The following SEMA3C variants were observed in gnomAD, a reference collection of about 807,000 sequenced individuals.
SEMA3C encodes the protein semaphorin 3C.
Under a neutral mutation model 89.4 loss-of-function variants are expected in SEMA3C, and 47 were observed. The observed-to-expected ratio is 0.53, with a 90% CI of 0.42 to 0.67. The LOEUF (loss-of-function observed/expected upper bound fraction) is 0.67, where lower values mean the gene tolerates loss of function less well. Among genes scored for constraint, SEMA3C ranks in the 30% least tolerant of loss-of-function variants. SEMA3C has a pLI of 0.00. For synonymous variants in SEMA3C, 310 were observed against 320.2 expected (o/e 0.97, Z 0.34); for missense variants, 839 against 929.1 (o/e 0.90, Z 1.26).
chr7:80,821,039 T>A (rs1052216473), intron 4 of SEMA3C, among the ~76,000 whole-genome samples: 1 of 152,230 alleles, frequency 6.6e-6, no homozygotes, highest in African/African-American at 2.4e-5. Context: ...ATGCCAACTA[T>A]ACTCATTTCA....
chr7:80,854,053 T>C (rs773944956), intron 2 of SEMA3C, among the ~76,000 whole-genome samples: 2 of 152,186 alleles, frequency 1.3e-5, no homozygotes, highest in Non-Finnish European at 2.9e-5. Context: ...ACTCAGGTCA[T>C]TGAGAAATGT....
chr7:80,810,291 G>A (rs1789437061), intron 6 of SEMA3C, among the ~76,000 whole-genome samples: 1 of 152,050 alleles, frequency 6.6e-6, no homozygotes, highest in South Asian at 2.1e-4. Flanking sequence ...AAAAGTGGGT[G>A]TAGTTAATAC....
At chr7:80,800,100 C>A (rs1305352401) in intron 10 of SEMA3C, among the ~76,000 whole-genome samples, 1 of 149,500 alleles carries the variant, frequency 6.7e-6, no homozygotes, top group African/African-American at 2.5e-5. Flanking sequence ...TTGCAGTGAG[C>A]CGAGATCGCA....
chr7:80,750,473 T>TATATATACATACACACAC (rs869227686), intron 16 of SEMA3C, among the ~76,000 whole-genome samples: 3 of 55,436 alleles, frequency 5.4e-5, no homozygotes, highest in Non-Finnish European at 1.1e-4. Context: ...TATATATATA[T>TATATATACATACACACAC]ACACACACAC....
At chr7:80,787,886 A>G (rs930160113) in intron 12 of SEMA3C, among the ~76,000 whole-genome samples, 2 of 152,234 alleles carry the variant, frequency 1.3e-5, no homozygotes, top group Non-Finnish European at 2.9e-5. Context: ...AGAGAGGAAT[A>G]GTGAAAACTC....
chr7:80,760,049 T>A (rs1788149506), intron 14 of SEMA3C, among the ~76,000 whole-genome samples: 2 of 152,280 alleles, frequency 1.3e-5, no homozygotes, highest in South Asian at 4.1e-4. Context: ...GAGCATAAGA[T>A]GGATAATAAA....
At chr7:80,772,729 T>C (rs1048954550) in intron 12 of SEMA3C, among the ~76,000 whole-genome samples, 1 of 152,120 alleles carries the variant, frequency 6.6e-6, no homozygotes, top group African/African-American at 2.4e-5. Flanking sequence ...ATTTTTTTCC[T>C]GCAGAGCCTT....
At chr7:80,805,948 C>T (rs754290977) in intron 6 of SEMA3C, among the ~76,000 whole-genome samples, 190 bp from the exon 7 acceptor site, 7 of 151,788 alleles carry the variant, frequency 4.6e-5, no homozygotes, top group Non-Finnish European at 7.4e-5. Context: ...CTCATTATTG[C>T]CTGAATGATA....
At chr7:80,836,051 G>T (rs146318767) in intron 2 of SEMA3C, among the ~76,000 whole-genome samples, 106 of 152,238 alleles carry the variant, frequency 7.0e-4, no homozygotes, top group African/African-American at 2.5e-3. Flanking sequence ...ACATGGGTCT[G>T]CATAGTATCA....
At chr7:80,797,252 A>G (rs1789086500) in intron 11 of SEMA3C, among the ~76,000 whole-genome samples, 1 of 152,100 alleles carries the variant, frequency 6.6e-6, no homozygotes, top group South Asian at 2.1e-4. Context: ...AAAAAAAACT[A>G]ATCAACATTC....
chr7:80,786,278 G>T (rs1024937752), intron 12 of SEMA3C, among the ~76,000 whole-genome samples: 1 of 152,082 alleles, frequency 6.6e-6, no homozygotes, highest in Non-Finnish European at 1.5e-5. Flanking sequence ...GCAAAAGTAT[G>T]CTTCTTACTG....
intron 5 of SEMA3C, among the ~76,000 whole-genome samples, chr7:80,815,260 T>C (rs12668734): frequency 0.36 from 54,069 of 151,744 alleles, 9,917 homozygotes; most frequent in East Asian, 0.53. Context: ...GCATGAATGG[T>C]GGAATTTAAT....
At chr7:80,800,384 T>C (rs936305578) in intron 10 of SEMA3C, among the ~76,000 whole-genome samples, 2 of 152,100 alleles carry the variant, frequency 1.3e-5, no homozygotes, top group African/African-American at 4.8e-5. Flanking sequence ...GTCACTACAA[T>C]CCAGGTGATA....
intron 2 of SEMA3C, among the ~76,000 whole-genome samples, chr7:80,851,460 T>A (rs182002510): frequency 7.6e-6 from 1 of 131,182 alleles, no homozygotes; most frequent in East Asian, 2.2e-4. Flanking sequence ...GCCGAGGTCG[T>A]GCCACTGCGC....
intron 12 of SEMA3C, among the ~76,000 whole-genome samples, chr7:80,785,666 C>T (rs1026995145): frequency 2.6e-5 from 4 of 152,210 alleles, no homozygotes; most frequent in Admixed American, 2.6e-4. Context: ...GTTGCCCAGG[C>T]TGGAGTGCAA....
chr7:80,777,543 C>T (rs752192165), intron 12 of SEMA3C, among the ~76,000 whole-genome samples: 3 of 152,282 alleles, frequency 2.0e-5, no homozygotes, highest in Middle Eastern at 3.4e-3. Flanking sequence ...CCACCGACCT[C>T]GGCCTCCCAA....
At chr7:80,753,758 T>C (rs2117038002) in intron 15 of SEMA3C, among the ~76,000 whole-genome samples, 1 of 152,322 alleles carries the variant, frequency 6.6e-6, no homozygotes, top group Middle Eastern at 3.4e-3. Flanking sequence ...AAGACATTTA[T>C]TTGAAAATTG....
chr7:80,792,810 C>T (rs1788974712), intron 11 of SEMA3C, among the ~76,000 whole-genome samples: 1 of 152,132 alleles, frequency 6.6e-6, no homozygotes, highest in African/African-American at 2.4e-5. Context: ...ATCAACTCTG[C>T]TGATAAGACA....
chr7:80,860,750 C>T (rs771164713), intron 2 of SEMA3C, among the ~76,000 whole-genome samples: 81 of 152,190 alleles, frequency 5.3e-4, no homozygotes, highest in African/African-American at 1.9e-3. Flanking sequence ...GCATGAACAG[C>T]GAAGACGAGG....
Sources: gnomAD v4.1 joint callset for allele counts (sites outside exome capture counted in the v4.1 genomes callset) on GRCh38, gnomAD v4.1.1 for gene constraint, MANE v1.5 for transcripts, NCBI Gene and HGNC (gene_info 2026-07-23, HGNC 2026-07-21) for gene names.